Variants in SLC44A2 observed in about 807,000 individuals in gnomAD.
The protein encoded by SLC44A2 is choline transporter-like protein 2.
Under a neutral mutation model 90.8 loss-of-function variants are expected in SLC44A2, and 57 were observed. The observed-to-expected ratio is 0.63, with a 90% confidence interval of 0.51 to 0.78. The LOEUF is 0.78. SLC44A2 is among the 30% of genes least tolerant of loss of function. The pLI is 0.00. For synonymous variants in SLC44A2, 355 were observed against 360.7 expected, an observed-to-expected ratio of 0.98 and a Z score of 0.18; for missense variants, 794 against 919.7, an observed-to-expected ratio of 0.86 and a Z score of 1.77.
chr19:10,642,578 C>T (rs2067128664), intron 21 of SLC44A2, 127 bp downstream of exon 21: 3 of 895,344 alleles, frequency 3.4e-6, no homozygotes, highest in African/African-American at 1.6e-5. Context: ...GGCTGTCCCT[C>T]GTCCTGGGTC....
chr19:10,639,742 G>A lies in SLC44A2; in HGVS notation c.1929+1427G>A, dbSNP rs187537897. On this transcript the variant is annotated intron_variant, in intron 20 of 21. Coordinates refer to ENST00000335757, the MANE Select transcript of SLC44A2 (RefSeq NM_020428.4). ...AAAAAAATACAAAAATTAGCGGGGC[G>A]TGGTTGTGGGCACCTGTAATCCCAG... Among the ~76,000 whole-genome samples the A allele has an allele frequency of 1.1e-3, 164 of 152,234 alleles. 2 individuals carry two copies. Among genetic ancestry groups the A allele is most frequent in the African/African-American group, 3.5e-3 (146 of 41,544 alleles).
chr19:10,633,158 G>T (rs2067015647), intron 10 of SLC44A2, among the ~76,000 whole-genome samples: 1 of 151,646 alleles, frequency 6.6e-6, no homozygotes, highest in Admixed American at 6.6e-5. Context: ...TGTTGTTTTT[G>T]AGTTGTTGTT....
rs1159606527 is a variant in SLC44A2, at chr19:10,644,000, T to C, written c.*615T>C. 1.3e-5 allele frequency: 2 copies of C among 152,462 alleles called. No individual in the cohort carries two copies. Among genetic ancestry groups the C allele is most frequent in the African/African-American group, 4.8e-5 (2 of 41,366 alleles). 9.4% of individuals were successfully genotyped at this position (152,462 alleles called of 1,614,324 possible). A position where few individuals can be genotyped will look rare whatever the true frequency, so the allele number is the denominator to read the frequency against. On this transcript the variant is annotated 3_prime_UTR_variant, in exon 22 of 22. Transcript: ENST00000335757. ...TAGCTGGGAGTGACGGGTGGGAGTGTGTGTGCCCAGGTGGGGGTGTCTCCT... is the reference window on the plus strand; with the variant it reads ...TAGCTGGGAGTGACGGGTGGGAGTGCGTGTGCCCAGGTGGGGGTGTCTCCT...
chr19:10,603,217 C>T (rs929023027), intron 1 of SLC44A2, among the ~76,000 whole-genome samples: 2 of 152,190 alleles, frequency 1.3e-5, no homozygotes, highest in African/African-American at 4.8e-5. Context: ...CGGCGAACCT[C>T]TTGGGGCGAC....
intron 16 of SLC44A2, 137 bp from the exon 17 acceptor site, chr19:10,637,507 G>A: frequency 1.3e-6 from 1 of 741,224 alleles, no homozygotes; most frequent in Non-Finnish European, 2.3e-6. Flanking sequence ...AAACTCCTGG[G>A]CTTAAGTCCC....
intron 13 of SLC44A2, 67 bp downstream of exon 13, chr19:10,635,322 AC>A (rs1273831791): frequency 1.2e-6 from 2 of 1,606,218 alleles, no homozygotes; most frequent in Non-Finnish European, 1.7e-6. Flanking sequence ...CCTAGAAGTG[AC>A]CTGCAGCTTA....
Position 10,638,322 on chromosome 19 carries a change from A to G in SLC44A2, c.1929+7A>G. 6.2e-7 allele frequency: 1 copy of G among 1,612,682 alleles called. No homozygotes were observed. Among genetic ancestry groups the G allele is most frequent in the Non-Finnish European group, 8.5e-7 (1 of 1,178,874 alleles). On this transcript the variant is annotated splice_region_variant and intron_variant, in intron 20 of 21. Coordinates refer to ENST00000335757, the MANE Select transcript of SLC44A2 (RefSeq NM_020428.4). ...TTACTGGGTTCCTATACTGGTATGG[A>G]CCTCTGGGGAGAGATGGGGGTTTGG...
At chr19:10,639,880 CAA>C (rs112280242) in intron 20 of SLC44A2, among the ~76,000 whole-genome samples, 2 of 141,416 alleles carry the variant, frequency 1.4e-5, no homozygotes, top group Non-Finnish European at 1.5e-5. Context: ...GACTCTCTCT[CAA>C]AAAAAAAAAA....
In SLC44A2 at chr19:10,643,493, T is replaced by A; in HGVS notation, c.*108T>A. On this transcript the variant is annotated 3_prime_UTR_variant, in exon 22 of 22. Coordinates refer to ENST00000335757, the MANE Select transcript of SLC44A2 (RefSeq NM_020428.4). ...TCACCTGAAGTCCTATCACTGCCGC[T>A]CTGCCCCTCCCCATGAGCCAGATCC... The A allele has an allele frequency of 7.7e-7, 1 of 1,301,124 alleles. No individual in the cohort carries two copies. 80.6% of individuals were successfully genotyped at this position (1,301,124 alleles called of 1,614,324 possible). A position where few individuals can be genotyped will look rare whatever the true frequency, so the allele number is the denominator to read the frequency against.
At chr19:10,610,364 C>T (rs1414107589) in intron 1 of SLC44A2, among the ~76,000 whole-genome samples, 1 of 141,442 alleles carries the variant, frequency 7.1e-6, no homozygotes, top group Non-Finnish European at 1.5e-5. Flanking sequence ...CTGAGTCTCA[C>T]TCAGTCACCC....
At chr19:10,610,083 G>A (rs1053468171) in intron 1 of SLC44A2, among the ~76,000 whole-genome samples, 1 of 151,978 alleles carries the variant, frequency 6.6e-6, no homozygotes, top group Non-Finnish European at 1.5e-5. Flanking sequence ...TGGGATTACA[G>A]GCGTGAGCCA....
chr19:10,632,542 A>G (rs963183546), intron 10 of SLC44A2, among the ~76,000 whole-genome samples: 2 of 151,826 alleles, frequency 1.3e-5, no homozygotes, highest in African/African-American at 4.8e-5. Flanking sequence ...ATCTCAAAAA[A>G]AAAAAAAAAA....
intron 10 of SLC44A2, among the ~76,000 whole-genome samples, chr19:10,634,161 T>G (rs1483953386): frequency 8.6e-5 from 7 of 81,294 alleles, no homozygotes; most frequent in African/African-American, 3.3e-4. Flanking sequence ...TTTTTTTTTT[T>G]GTATTTTTAG....
chr19:10,612,041 C>T (rs1918318496), intron 1 of SLC44A2, among the ~76,000 whole-genome samples: 1 of 151,982 alleles, frequency 6.6e-6, no homozygotes, highest in Admixed American at 6.6e-5. Context: ...CTATTAATTT[C>T]TGTGTGTGTG....
intron 1 of SLC44A2, among the ~76,000 whole-genome samples, chr19:10,606,120 A>G (rs979436054): frequency 2.6e-5 from 4 of 151,848 alleles, no homozygotes; most frequent in Non-Finnish European, 4.4e-5. Context: ...CAATATAGTG[A>G]GACCCTGTCT....
intron 4 of SLC44A2, 92 bp from the exon 5 acceptor site, chr19:10,630,965 A>G: frequency 1.0e-6 from 1 of 978,344 alleles, no homozygotes; most frequent in Non-Finnish European, 1.6e-6. Flanking sequence ...AGATCACACC[A>G]TTGCACTCCA....
At chr19:10,608,655 A>T (rs534708483) in intron 1 of SLC44A2, among the ~76,000 whole-genome samples, 209 of 135,800 alleles carry the variant, frequency 1.5e-3, no homozygotes, top group Non-Finnish European at 2.6e-3. Context: ...TTATTTATTT[A>T]TTTTTTTAAT....
At chr19:10,608,553 C>T (rs1918182801) in intron 1 of SLC44A2, among the ~76,000 whole-genome samples, 1 of 151,848 alleles carries the variant, frequency 6.6e-6, no homozygotes, top group African/African-American at 2.4e-5. Flanking sequence ...TGGCCAGCAA[C>T]CAGATGAGGA....
chr19:10,633,215 C>T (rs1169771313), intron 10 of SLC44A2, among the ~76,000 whole-genome samples: 2 of 150,522 alleles, frequency 1.3e-5, no homozygotes, highest in Non-Finnish European at 3.0e-5. Context: ...CCCAGGCTGG[C>T]GTGCAGTGGT....
Sources: gnomAD v4.1 joint callset for allele counts (sites outside exome capture counted in the v4.1 genomes callset) on GRCh38, gnomAD v4.1.1 for gene constraint, MANE v1.5 for transcripts, NCBI Gene and HGNC (gene_info 2026-07-23, HGNC 2026-07-21) for gene names.